The following CACNA1C variants were observed in gnomAD, a reference collection of about 807,000 sequenced individuals.
CACNA1C encodes the protein voltage-dependent L-type calcium channel subunit alpha-1C.
Under a neutral mutation model 229.0 loss-of-function variants are expected in CACNA1C, and 30 were observed. That is an observed-to-expected ratio of 0.13 (90% CI 0.10 to 0.18). CACNA1C has a LOEUF of 0.18. Ranked by LOEUF, CACNA1C falls within the 10% of genes least tolerant of loss-of-function variation. The pLI is 1.00. For synonymous variants in CACNA1C, 1,114 were observed against 1,132.5 expected (o/e 0.98, Z 0.33); for missense variants, 1,658 against 2,845.0 (o/e 0.58, Z 9.49).
rs1233862346 is a variant in CACNA1C, at chr12:2,595,757, A to G, written c.2664-117A>G. 3.2e-6 allele frequency: 3 copies of G among 923,802 alleles called. No homozygotes were observed. The highest frequency in any genetic ancestry group is 1.7e-5 in the South Asian group (1 of 57,566). The allele number at this position is 923,802 out of a possible 1,614,324, so 57.2% of individuals were successfully genotyped here. A position where few individuals can be genotyped will look rare whatever the true frequency, so the allele number is the denominator to read the frequency against. On this transcript the variant is annotated intron_variant, in intron 19 of 46. Coordinates refer to ENST00000399655, the MANE Select transcript of CACNA1C (RefSeq NM_000719.7). This position sits in a 1 kb window ranked among gnomAD's most constrained non-coding sequence, Gnocchi z 4.1. ...AGAATGAAGAGGTCACTTCAGGCCA[A>G]CAAGCACCTGTTGCCAGCTGCTGGG... is the stretch of plus-strand genomic sequence containing the variant.
At chr12:2,331,873 G>A (rs2096559170) in intron 3 of CACNA1C, among the ~76,000 whole-genome samples, 1 of 151,406 alleles carries the variant, frequency 6.6e-6, no homozygotes. Flanking sequence ...GGAGAGAACT[G>A]TTTTAGATTA....
chr12:2,627,200 T>C (rs1447926595), intron 29 of CACNA1C, among the ~76,000 whole-genome samples: 1 of 152,148 alleles, frequency 6.6e-6, no homozygotes, highest in African/African-American at 2.4e-5. Context: ...GGATGGGAGC[T>C]GACAGAGGAG....
At chr12:2,359,507 C>A (rs1011208512) in intron 3 of CACNA1C, among the ~76,000 whole-genome samples, 3 of 151,352 alleles carry the variant, frequency 2.0e-5, no homozygotes, top group Admixed American at 2.0e-4. Context: ...TTAATCTTGT[C>A]AAAATAGCCT....
At chr12:2,155,635 G>A (rs981957867) in intron 3 of CACNA1C, among the ~76,000 whole-genome samples, 2 of 152,152 alleles carry the variant, frequency 1.3e-5, no homozygotes, top group Non-Finnish European at 2.9e-5. Flanking sequence ...TAAAAGTGCT[G>A]TGAGAGCATA....
chr12:2,048,248 C>T (rs2051420723), upstream of CACNA1C: 1 of 152,208 alleles, frequency 6.6e-6, no homozygotes, highest in South Asian at 2.1e-4. Flanking sequence ...AATGCAAAAC[C>T]ACCACACTGA....
chr12:2,629,650 A>C (rs2153548974), intron 29 of CACNA1C, among the ~76,000 whole-genome samples: 1 of 152,326 alleles, frequency 6.6e-6, no homozygotes, highest in East Asian at 1.9e-4. Flanking sequence ...GTCTGAATCC[A>C]GATCTGCCTC....
intron 3 of CACNA1C, among the ~76,000 whole-genome samples, chr12:2,350,795 G>A (rs564387764): frequency 5.3e-5 from 8 of 152,174 alleles, no homozygotes; most frequent in Non-Finnish European, 8.8e-5. Flanking sequence ...TCCCCATGTC[G>A]CAGGACACCA....
chr12:2,588,570 G>C (rs192530630), intron 18 of CACNA1C, among the ~76,000 whole-genome samples: 1 of 152,138 alleles, frequency 6.6e-6, no homozygotes, highest in African/African-American at 2.4e-5. Context: ...AATTACCCTC[G>C]CATGACCGCG....
chr12:2,122,121 A>G (rs1423535648), intron 3 of CACNA1C, among the ~76,000 whole-genome samples: 1 of 152,148 alleles, frequency 6.6e-6, no homozygotes, highest in East Asian at 1.9e-4. Flanking sequence ...AGGAGAGGAC[A>G]AGAGGTCACC....
At chr12:2,138,376 G>A (rs974984239) in intron 3 of CACNA1C, among the ~76,000 whole-genome samples, 1 of 151,214 alleles carries the variant, frequency 6.6e-6, no homozygotes, top group African/African-American at 2.4e-5. Context: ...CTGGTTGTGT[G>A]GGGGAAGGCA....
chr12:2,043,145 A>G lies in CACNA1C; in HGVS notation c.139+71944A>G, dbSNP rs77939293. ...CATTATGGTTACAGCCTGCCCTCCTATGAATTAGAATCATTGACTGATATT... is the reference window on the plus strand; with the variant it reads ...CATTATGGTTACAGCCTGCCCTCCTGTGAATTAGAATCATTGACTGATATT... On this transcript the variant is annotated intron_variant, in intron 1 of 46. Transcript: ENST00000682462. Among the ~76,000 whole-genome samples, 357 of 152,346 alleles carry G rather than the reference A, an allele frequency of 2.3e-3. 2 individuals are homozygous for G. The highest frequency in any genetic ancestry group is 8.0e-3 in the African/African-American group (332 of 41,574).
chr12:2,235,874 A>G (rs1159216438), intron 3 of CACNA1C, among the ~76,000 whole-genome samples: 1 of 152,184 alleles, frequency 6.6e-6, no homozygotes, highest in South Asian at 2.1e-4. Context: ...CACTGTGTAC[A>G]GTGCTTACTA....
intron 45 of CACNA1C, among the ~76,000 whole-genome samples, chr12:2,686,763 G>A (rs752147038): frequency 2.0e-4 from 31 of 152,182 alleles, no homozygotes; most frequent in Non-Finnish European, 1.0e-4. Flanking sequence ...CAGGTCCAGG[G>A]AGATTCCATA....
chr12:2,373,839 A>C (rs960783534), intron 3 of CACNA1C, among the ~76,000 whole-genome samples: 10 of 152,188 alleles, frequency 6.6e-5, no homozygotes, highest in Non-Finnish European at 2.9e-5. Flanking sequence ...GTCAAACCTC[A>C]TGCTTTTCTC....
Position 2,034,808 on chromosome 12 carries a change from A to C in CACNA1C, c.139+63607A>C, listed in dbSNP as rs1449148271. On this transcript the variant is annotated intron_variant, in intron 1 of 46. Coordinates refer to the CACNA1C transcript ENST00000682462. This position sits in a 1 kb window ranked among gnomAD's most constrained non-coding sequence, Gnocchi z 4.1. ...ATAACAGATAGTCCCTGTGCAAGGA[A>C]TCTATAGATGGGAATGGGGAGAGAC... Among the ~76,000 whole-genome samples, 1 of 152,002 alleles carries C rather than the reference A, an allele frequency of 6.6e-6. No individual in the cohort carries two copies. The highest frequency in any genetic ancestry group is 2.4e-5 in the African/African-American group (1 of 41,418).
At chr12:2,360,156 A>ACCCCCCCCCCCCCCCCCCCCC (rs796441635) in intron 3 of CACNA1C, among the ~76,000 whole-genome samples, 2 of 57,020 alleles carry the variant, frequency 3.5e-5, no homozygotes, top group Admixed American at 1.8e-4. Context: ...AACACACCCC[A>ACCCCCCCCCCCCCCCCCCCCC]CCCCCCCCCA....
intron 1 of CACNA1C, among the ~76,000 whole-genome samples, chr12:2,096,675 A>G (rs2074140525): frequency 6.6e-6 from 1 of 152,208 alleles, no homozygotes; most frequent in Non-Finnish European, 1.5e-5. Context: ...ATAACCATCA[A>G]GCACTATCTG....
chr12:2,550,127 T>C (rs1013190060), intron 10 of CACNA1C, 94 bp downstream of exon 10: 7 of 892,984 alleles, frequency 7.8e-6, no homozygotes, highest in Admixed American at 2.0e-5. Flanking sequence ...GGCTCATCAC[T>C]AGGAAGGGCA....
chr12:2,240,131 A>C (rs2069284592), intron 3 of CACNA1C, among the ~76,000 whole-genome samples: 1 of 152,226 alleles, frequency 6.6e-6, no homozygotes, highest in Admixed American at 6.5e-5. Context: ...TCATTAGGGC[A>C]TTATTACATG....
Sources: allele counts gnomAD v4.1 joint callset (sites outside exome capture counted in the v4.1 genomes callset), GRCh38; gene constraint gnomAD v4.1.1; non-coding constraint Gnocchi (gnomAD v3.1); transcripts MANE v1.5; gene names NCBI Gene and HGNC (gene_info 2026-07-23, HGNC 2026-07-21).